SAMD5: variants seen among roughly 807,000 people sequenced by gnomAD.
The protein encoded by SAMD5 is sterile alpha motif domain-containing protein 5.
Under a neutral mutation model 11.3 loss-of-function variants are expected in SAMD5, and 13 were observed. That is an observed-to-expected ratio of 1.15 (90% confidence interval 0.75 to 1.83). SAMD5 has a LOEUF of 1.83. Among genes scored for constraint, SAMD5 ranks in the 40% most tolerant of loss-of-function variants. SAMD5 has a pLI of 0.00. For missense variants in SAMD5, 255 were observed against 239.1 expected, an observed-to-expected ratio of 1.07 and a Z score of -0.44; for synonymous variants, 129 against 111.3, an observed-to-expected ratio of 1.16 and a Z score of -1.00.
chr6:147,949,849 T>C, the SAMD5 span, among the ~76,000 whole-genome samples: 1 of 152,236 alleles, frequency 6.6e-6, no homozygotes, highest in Non-Finnish European at 1.5e-5. Flanking sequence ...GTTCATTTTG[T>C]TATACTGCAT....
At chr6:147,658,968 C>T (rs1216491402) in intron 1 of SAMD5, among the ~76,000 whole-genome samples, 1 of 152,074 alleles carries the variant, frequency 6.6e-6, no homozygotes, top group Non-Finnish European at 1.5e-5. Context: ...ATTCCAGAGC[C>T]TGAACTACTA....
the SAMD5 span, among the ~76,000 whole-genome samples, chr6:147,751,585 T>G: frequency 6.6e-6 from 1 of 152,174 alleles, no homozygotes; most frequent in Admixed American, 6.5e-5. Context: ...TGCCGAAGGC[T>G]CGTAGTTCTC....
chr6:147,609,863 AC>A (rs1428769836), intron 1 of SAMD5, among the ~76,000 whole-genome samples: 1 of 152,182 alleles, frequency 6.6e-6, no homozygotes, highest in Non-Finnish European at 1.5e-5. Context: ...GCCAGAGAGA[AC>A]ATATTTAGTG....
At chr6:147,628,914 G>A (rs1364758169) in intron 1 of SAMD5, among the ~76,000 whole-genome samples, 1 of 152,136 alleles carries the variant, frequency 6.6e-6, no homozygotes, top group African/African-American at 2.4e-5. Flanking sequence ...GCATTCTCCA[G>A]TGGAATGTCA....
the SAMD5 span, among the ~76,000 whole-genome samples, chr6:147,908,898 G>A: frequency 6.6e-6 from 1 of 152,136 alleles, no homozygotes; most frequent in Non-Finnish European, 1.5e-5. Context: ...CTAAGCCTGA[G>A]ATAGGCATCC....
chr6:147,913,494 G>T, the SAMD5 span, among the ~76,000 whole-genome samples: 1 of 152,092 alleles, frequency 6.6e-6, no homozygotes. Context: ...TCAGGAGTTC[G>T]AGACTAGCCT....
At chr6:147,731,140 G>A (rs1791707056) in intron 1 of SAMD5, among the ~76,000 whole-genome samples, 1 of 152,134 alleles carries the variant, frequency 6.6e-6, no homozygotes, top group Non-Finnish European at 1.5e-5. Context: ...AAGGACAAGT[G>A]ATTTGTTCTC....
At position 147,568,229 on chromosome 6, in the gene SAMD5, A is replaced by G. The variant is rs1403723601; in HGVS notation, c.*3773A>G. 33 of 985,454 alleles carry G rather than the reference A, an allele frequency of 3.3e-5. No homozygotes were observed. Among genetic ancestry groups the G allele is most frequent in the Middle Eastern group, 5.2e-4 (1 of 1,914 alleles). 61.0% of individuals were successfully genotyped at this position (985,454 alleles called of 1,614,324 possible). A position where few individuals can be genotyped will look rare whatever the true frequency, so the allele number is the denominator to read the frequency against. On this transcript the variant is annotated 3_prime_UTR_variant, in exon 2 of 2. Coordinates refer to ENST00000367474, the MANE Select transcript of SAMD5 (RefSeq NM_001030060.3). ...TCGGCAAACTCTTTTCTATGAAAAG[A>G]AAAACCAGATATACCAGGGACTGGA...
At position 147,588,033 on chromosome 6, in the gene SAMD5, G is replaced by A. The variant is rs113113441; in HGVS notation, c.162+78646G>A. Among the ~76,000 whole-genome samples the A allele has an allele frequency of 9.1e-4, 139 of 152,126 alleles. 1 individual carries two copies. Among genetic ancestry groups the A allele is most frequent in the Middle Eastern group, 3.4e-3 (1 of 294 alleles). On this transcript the variant is annotated intron_variant, in intron 1 of 1. Coordinates refer to the SAMD5 transcript ENST00000566741. ...TAGCTCTCTATACATAGATTTCTTT[G>A]AAGGAGATATGTGTGTGCTCCTAGG... is the stretch of plus-strand genomic sequence containing the variant.
chr6:147,566,377 A>G lies in SAMD5; in HGVS notation c.*1921A>G, dbSNP rs113335320. On this transcript the variant is annotated 3_prime_UTR_variant, in exon 2 of 2. Transcript: ENST00000367474. ...GGGAGTCTGTATAGATTACAGATAT[A>G]ATTTATTGTGATAACAAATGGCTTC... 2.0e-6 allele frequency: 2 copies of G among 984,960 alleles called. No individual in the cohort carries two copies. Among genetic ancestry groups the G allele is most frequent in the African/African-American group, 1.7e-5 (1 of 57,176 alleles). The allele number at this position is 984,960 out of a possible 1,614,324, so 61.0% of individuals were successfully genotyped here.
At chr6:147,953,465 A>G in the SAMD5 span, 1 of 152,148 alleles carries the variant, frequency 6.6e-6, no homozygotes, top group East Asian at 1.9e-4. Flanking sequence ...CTAGTGTTCT[A>G]TTTACACCAT....
chr6:147,521,788 G>A (rs1788258918), intron 1 of SAMD5, among the ~76,000 whole-genome samples: 1 of 151,966 alleles, frequency 6.6e-6, no homozygotes, highest in South Asian at 2.1e-4. Context: ...TAAATTATTA[G>A]TTCATTTCCT....
intron 1 of SAMD5, among the ~76,000 whole-genome samples, chr6:147,533,531 G>A (rs1309903444): frequency 2.0e-5 from 3 of 151,964 alleles, no homozygotes; most frequent in East Asian, 3.9e-4. Flanking sequence ...CAGGAAGGTA[G>A]AGGACAGGAT....
At chr6:147,928,096 A>G in the SAMD5 span, among the ~76,000 whole-genome samples, 2 of 152,158 alleles carry the variant, frequency 1.3e-5, no homozygotes, top group African/African-American at 4.8e-5. Context: ...TTTTGCATCA[A>G]TGTTCATCAA....
chr6:147,820,611 G>C, the SAMD5 span, among the ~76,000 whole-genome samples: 6 of 151,298 alleles, frequency 4.0e-5, no homozygotes, highest in Non-Finnish European at 7.3e-5. Flanking sequence ...TACACCGTAG[G>C]AGACCATAGT....
At chr6:147,801,563 A>T in the SAMD5 span, among the ~76,000 whole-genome samples, 2 of 152,208 alleles carry the variant, frequency 1.3e-5, no homozygotes, top group Admixed American at 1.3e-4. Context: ...GACAGTGGCC[A>T]GTGTGGAAGT....
the SAMD5 span, among the ~76,000 whole-genome samples, chr6:147,932,587 ATTGTGTGTGTGTGT>A: frequency 8.4e-6 from 1 of 118,882 alleles, no homozygotes; most frequent in African/African-American, 3.2e-5. Flanking sequence ...GTCTTACAGA[ATTGTGTGTGTGTGT>A]GTGTGTGTGT....
rs749424219 is a variant in SAMD5 at position 147,509,362 on chromosome 6, T to C, written c.434T>C (p.Leu145Pro). Residue 145 changes from leucine (L) to proline (P), a missense_variant, in exon 1 of 2, where the codon CTG (leucine) becomes CCG (proline). Coordinates refer to ENST00000367474, the MANE Select transcript of SAMD5 (RefSeq NM_001030060.3). ...RDKLVRDGIH[L>P]SKPPYSRKVP... ...AAGCTCGTCCGTGACGGCATCCACC[T>C]GAGCAAGCCCCCGTACTCCCGCAAG... 2 of 1,570,056 alleles carry C rather than the reference T, an allele frequency of 1.3e-6. No homozygotes were observed. Among genetic ancestry groups the C allele is most frequent in the Admixed American group, 1.8e-5 (1 of 54,706 alleles).
At chr6:147,606,978 A>AAAAAAC (rs397708065) in intron 1 of SAMD5, among the ~76,000 whole-genome samples, 1 of 148,154 alleles carries the variant, frequency 6.7e-6, no homozygotes. Flanking sequence ...AAAAAAAAAA[A>AAAAAAC]CAGAAAGAGA....
Sources: allele counts gnomAD v4.1 joint callset (sites outside exome capture counted in the v4.1 genomes callset), GRCh38; gene constraint gnomAD v4.1.1; transcripts MANE v1.5; gene names NCBI Gene and HGNC (gene_info 2026-07-23, HGNC 2026-07-21).